The following CCDC125 variants were observed in gnomAD, a reference collection of about 807,000 sequenced individuals.
CCDC125 encodes the protein coiled-coil domain containing 125.
A neutral mutation model predicts 57.4 loss-of-function variants in CCDC125; 43 were observed. The ratio of observed to expected loss-of-function variants is 0.75; its 90% CI spans 0.59 to 0.97. The LOEUF (loss-of-function observed/expected upper bound fraction) is 0.97, where lower values mean the gene tolerates loss of function less well. Ranked by LOEUF, CCDC125 falls within the 50% of genes least tolerant of loss-of-function variation. The pLI, the probability that CCDC125 is intolerant of heterozygous loss-of-function variation, is 0.00. For synonymous variants in CCDC125, 187 were observed against 195.2 expected (o/e 0.96, Z 0.35); for missense variants, 563 against 595.7 (o/e 0.95, Z 0.57).
At position 69,281,774 on chromosome 5, in the gene CCDC125, A is replaced by G. The variant is rs184643439; in HGVS notation, c.*955T>C. On this transcript the variant is annotated 3_prime_UTR_variant, in exon 12 of 12. Transcript: ENST00000396496. ...TTTTAGAGCATTAAGATACATTGCT[A>G]TATTGTTGATTTAGCCAAGCTAAGA... 6.6e-6 allele frequency: 1 copy of G among 152,312 alleles called. No individual in the cohort carries two copies. Among genetic ancestry groups the G allele is most frequent in the African/African-American group, 2.4e-5 (1 of 41,566 alleles). 9.4% of individuals were successfully genotyped at this position (152,312 alleles called of 1,614,324 possible). A position where few individuals can be genotyped will look rare whatever the true frequency, so the allele number is the denominator to read the frequency against.
At chr5:69,313,615 C>T (rs1758514264) in intron 3 of CCDC125, 8 of 731,440 alleles carry the variant, frequency 1.1e-5, no homozygotes, top group Non-Finnish European at 2.0e-5. Context: ...TAGGTTGCGT[C>T]ATAGAGGGCG....
At chr5:69,285,294 C>T (rs377326563) in intron 11 of CCDC125, 43 bp downstream of exon 11, 2 of 1,602,682 alleles carry the variant, frequency 1.2e-6, no homozygotes, top group Admixed American at 3.6e-5. Context: ...GTTGGACAAG[C>T]TTGGCTTAAC....
chr5:69,282,914 T>G lies in CCDC125; in HGVS notation c.1351A>C (p.Asn451His). The change falls in exon 12 of 12, where the codon AAT (asparagine) becomes CAT (histidine). Residue 451 changes from asparagine to histidine, a missense_variant. Physicochemically the swap from Asn to His is moderately conservative, Grantham distance 68. Coordinates refer to ENST00000396496, the MANE Select transcript of CCDC125 (RefSeq NM_176816.5). ...CGCCAGGGGTTGTTGAAAGGGAAAT[T>G]CTCTTTTATAGGATTTTTTTCTTTA... ...ENKEKNPIKE[N>H]FPFNNPWRKT... 6.2e-7 allele frequency: 1 copy of G among 1,614,056 alleles called. No individual in the cohort carries two copies. Among genetic ancestry groups the G allele is most frequent in the Non-Finnish European group, 8.5e-7 (1 of 1,179,992 alleles).
chr5:69,286,455 A>G (rs1253432927), intron 10 of CCDC125, among the ~76,000 whole-genome samples: 3 of 150,962 alleles, frequency 2.0e-5, no homozygotes, highest in Non-Finnish European at 2.9e-5. Context: ...GATGGTCTCG[A>G]TCTCCTGACC....
At chr5:69,283,481 A>G (rs1752781832) in intron 11 of CCDC125, among the ~76,000 whole-genome samples, 2 of 151,308 alleles carry the variant, frequency 1.3e-5, no homozygotes, top group African/African-American at 4.9e-5. Flanking sequence ...TGGCCTCCCA[A>G]AGTGCTGGGA....
At chr5:69,311,919 G>A (rs1011489765) in intron 3 of CCDC125, among the ~76,000 whole-genome samples, 1 of 152,108 alleles carries the variant, frequency 6.6e-6, no homozygotes, top group African/African-American at 2.4e-5. Flanking sequence ...ATTTTTAGTA[G>A]AGACGGAGTT....
chr5:69,299,983 C>G, intron 8 of CCDC125, 29 bp downstream of exon 8: 1 of 1,483,818 alleles, frequency 6.7e-7, no homozygotes, highest in Non-Finnish European at 9.4e-7. Context: ...AATGTCCCTT[C>G]TGTTCAGCTT....
chr5:69,318,955 T>C (rs1021514431), intron 2 of CCDC125, among the ~76,000 whole-genome samples: 2 of 151,670 alleles, frequency 1.3e-5, no homozygotes, highest in African/African-American at 4.8e-5. Context: ...TTTTTTTTTT[T>C]TGAGACAAAG....
At chr5:69,313,316 C>T in intron 3 of CCDC125, 1 of 813,474 alleles carries the variant, frequency 1.2e-6, no homozygotes, top group Non-Finnish European at 2.0e-6. Flanking sequence ...AGCCTGCAAC[C>T]CCCGAGGACA....
intron 7 of CCDC125, among the ~76,000 whole-genome samples, chr5:69,301,629 G>A (rs1756460300): frequency 6.6e-6 from 1 of 151,958 alleles, no homozygotes; most frequent in African/African-American, 2.4e-5. Flanking sequence ...CCAGCTACGT[G>A]GTAGGCCAAG....
intron 11 of CCDC125, among the ~76,000 whole-genome samples, chr5:69,285,102 AC>A (rs1267807294): frequency 6.8e-6 from 1 of 147,252 alleles, no homozygotes; most frequent in African/African-American, 2.5e-5. Flanking sequence ...CAAAAACCAA[AC>A]AAACAAAAAA....
Position 69,308,020 on chromosome 5 carries a change from C to T in CCDC125, c.462G>A (p.Leu154=), listed in dbSNP as rs754669296. The T allele has an allele frequency of 1.6e-5, 25 of 1,612,738 alleles. No homozygotes were observed. The highest frequency in any genetic ancestry group is 2.0e-5 in the Non-Finnish European group (24 of 1,178,990). ...CCTGCGTATGACTTGTGGCTTTGCC[C>T]AGTATTGCCTAAGAAAAATAAAACT... ...ALKILQSMAI[L]GKATSHTQAV... Residue 154 remains leucine (L), a synonymous_variant, in exon 5 of 12, where the codon CTG becomes CTA. Coordinates refer to ENST00000396496, the MANE Select transcript of CCDC125 (RefSeq NM_176816.5).
intron 1 of CCDC125, among the ~76,000 whole-genome samples, chr5:69,326,176 C>A (rs1244073088): frequency 1.3e-5 from 2 of 152,092 alleles, no homozygotes; most frequent in East Asian, 3.8e-4. Flanking sequence ...ATGTCAGAGC[C>A]AACACTCTTA....
intron 1 of CCDC125, among the ~76,000 whole-genome samples, chr5:69,331,445 T>C (rs1196962107): frequency 6.6e-6 from 1 of 152,018 alleles, no homozygotes; most frequent in African/African-American, 2.4e-5. Context: ...TTGGCCAGGC[T>C]GGTCTAGACC....
chr5:69,294,220 G>A, intron 9 of CCDC125: 7 of 665,734 alleles, frequency 1.1e-5, no homozygotes, highest in Non-Finnish European at 1.3e-5. Context: ...TTAGGGACAT[G>A]TATAGATGAG....
At chr5:69,275,539 G>A (rs1461930917), downstream of CCDC125, among the ~76,000 whole-genome samples, 1 of 152,094 alleles carries the variant, frequency 6.6e-6, no homozygotes, top group African/African-American at 2.4e-5. Context: ...CCAAATATCC[G>A]AAATCTGAAA....
intron 2 of CCDC125, among the ~76,000 whole-genome samples, chr5:69,319,804 C>G (rs1016590237): frequency 5.9e-5 from 9 of 151,920 alleles, no homozygotes; most frequent in African/African-American, 1.9e-4. Flanking sequence ...ATACTACCAC[C>G]AATCCCAAGA....
chr5:69,317,034 A>C (rs1230735498), intron 2 of CCDC125, among the ~76,000 whole-genome samples: 1 of 152,054 alleles, frequency 6.6e-6, no homozygotes, highest in African/African-American at 2.4e-5. Context: ...TTTGAGATGG[A>C]GTCTTGCTCT....
Position 69,292,382 on chromosome 5 carries a change from T to A in CCDC125, c.925-20A>T. On this transcript the variant is annotated intron_variant, in intron 9 of 11. Transcript: ENST00000396496. ...TTCCAACTGATTTTGAAAGACAGTT[T>A]GGGAGGTGTCAGAGGCAAAACCAGA... 1 of 1,605,760 alleles carries A rather than the reference T, an allele frequency of 6.2e-7. No individual in the cohort carries two copies. The highest frequency in any genetic ancestry group is 1.1e-5 in the South Asian group (1 of 89,630).
Sources: allele counts gnomAD v4.1 joint callset (sites outside exome capture counted in the v4.1 genomes callset), GRCh38; gene constraint gnomAD v4.1.1; transcripts MANE v1.5; gene names NCBI Gene and HGNC (gene_info 2026-07-23, HGNC 2026-07-21).